The following STEAP3 variants were observed in gnomAD, a reference collection of about 807,000 sequenced individuals.
The protein encoded by STEAP3 is metalloreductase STEAP3.
STEAP3 carries 35 observed loss-of-function variants against 34.9 expected under a neutral mutation model. That is an observed-to-expected ratio of 1.00 (90% CI 0.76 to 1.33). The LOEUF (loss-of-function observed/expected upper bound fraction) is 1.33, where lower values mean the gene tolerates loss of function less well. Among genes scored for constraint, STEAP3 ranks in the 40% most tolerant of loss-of-function variants. The probability of loss-of-function intolerance (pLI) is 0.00; values close to 1 mark genes in which losing one functional copy is unlikely to be tolerated. For missense variants in STEAP3, 652 were observed against 667.6 expected (o/e 0.98, Z 0.26); for synonymous variants, 281 against 301.6 (o/e 0.93, Z 0.71).
chr2:119,237,619 A>G (rs1489708108), intron 2 of STEAP3, among the ~76,000 whole-genome samples: 1 of 152,166 alleles, frequency 6.6e-6, no homozygotes, highest in Admixed American at 6.5e-5. Flanking sequence ...AATCCATCCA[A>G]TGACATAGGC....
At chr2:119,259,876 A>T (rs1296011088) in intron 5 of STEAP3, among the ~76,000 whole-genome samples, 2 of 152,240 alleles carry the variant, frequency 1.3e-5, no homozygotes, top group Non-Finnish European at 2.9e-5. Context: ...AGATAGGTCC[A>T]GGTCTTCCTC....
rs1011944506 is a variant in STEAP3, at chr2:119,236,293, C to G, written c.22+5259C>G. On this transcript the variant is annotated intron_variant, in intron 2 of 5. Coordinates refer to ENST00000393110, the MANE Select transcript of STEAP3 (RefSeq NM_182915.3). ...TTGTCTCATATAATCCTTGCCACAC[C>G]TCATTAAGGTGAGGAACATCAGCCC... Among the ~76,000 whole-genome samples, 7 of 152,232 alleles carry G rather than the reference C, an allele frequency of 4.6e-5. No homozygotes were observed. The East Asian group carries it at 1.4e-3, about 29-fold the overall frequency.
chr2:119,248,424 A>AGCT, intron 4 of STEAP3: 2 of 587,756 alleles, frequency 3.4e-6, no homozygotes, highest in Non-Finnish European at 5.9e-6. Flanking sequence ...CCATGGGTAC[A>AGCT]GCCCAGTTGG....
chr2:119,248,282 G>A, intron 4 of STEAP3, 76 bp downstream of exon 4: 2 of 1,485,784 alleles, frequency 1.3e-6, no homozygotes, highest in Non-Finnish European at 1.8e-6. Context: ...CCACCAACCA[G>A]GTGCAGCCGA....
chr2:119,247,200 G>A (rs914467964), intron 3 of STEAP3, among the ~76,000 whole-genome samples: 1 of 152,112 alleles, frequency 6.6e-6, no homozygotes, highest in African/African-American at 2.4e-5. Flanking sequence ...CTGGCTGAGG[G>A]CTCTACTGAG....
In STEAP3 at chr2:119,248,186, G is replaced by C; in HGVS notation, c.1030G>C (p.Val344Leu). The C allele has an allele frequency of 6.3e-7, 1 of 1,591,720 alleles. No individual in the cohort carries two copies. The highest frequency in any genetic ancestry group is 8.6e-7 in the Non-Finnish European group (1 of 1,168,068). ...PLRRAHRYDL[V>L]NLAVKQVLAN... ...GCGCCGCGCCCACCGCTACGACCTG[G>C]TCAACCTGGCAGTCAAGCAGGTACC... is the stretch of plus-strand genomic sequence containing the variant. Residue 344 changes from valine to leucine, a missense_variant, in exon 4 of 6, where the codon GTC (valine) becomes CTC (leucine). Coordinates refer to ENST00000393110, the MANE Select transcript of STEAP3 (RefSeq NM_182915.3).
chr2:119,263,119 C>T lies in STEAP3; in HGVS notation c.1278C>T (p.Thr426=). The part of the protein sequence containing the change: ...STLHTLTYGW[T]RAFEESRYKF... ...TGCACACGCTCACCTACGGCTGGAC[C>T]CGCGCCTTCGAGGAGAGCCGCTACA... The change falls in exon 6 of 6, where the codon ACC becomes ACT. Residue 426 remains threonine, a synonymous_variant. Coordinates refer to ENST00000393110, the MANE Select transcript of STEAP3 (RefSeq NM_182915.3). 1 of 1,613,094 alleles carries T rather than the reference C, an allele frequency of 6.2e-7. No homozygotes were observed. The highest frequency in any genetic ancestry group is 8.5e-7 in the Non-Finnish European group (1 of 1,180,034).
At chr2:119,227,463 AGTCT>A (rs1187157652) in intron 1 of STEAP3, among the ~76,000 whole-genome samples, 3 of 152,178 alleles carry the variant, frequency 2.0e-5, no homozygotes, top group East Asian at 1.9e-4. Flanking sequence ...CTTCCCAGTC[AGTCT>A]GTCTTCTGCA....
intron 5 of STEAP3, among the ~76,000 whole-genome samples, chr2:119,262,183 G>A (rs975550780): frequency 6.6e-6 from 1 of 152,080 alleles, no homozygotes; most frequent in African/African-American, 2.4e-5. Context: ...TATTTACTCT[G>A]CATTTATCTT....
chr2:119,247,924 G>A lies in STEAP3; in HGVS notation c.768G>A (p.Lys256=). Residue 256 remains lysine, a synonymous_variant, in exon 4 of 6, where the codon AAG becomes AAA. Transcript: ENST00000393110. ...LQPYVQESQN[K]FFKLPVSVVN... ...CCTATGTGCAGGAAAGCCAGAACAA[G>A]TTCTTCAAGCTGCCCGTGTCCGTGG... 6.2e-7 allele frequency: 1 copy of A among 1,613,860 alleles called. No homozygotes were observed. Among genetic ancestry groups the A allele is most frequent in the Non-Finnish European group, 8.5e-7 (1 of 1,180,006 alleles).
Position 119,230,981 on chromosome 2 carries a change from A to T in STEAP3, c.-32A>T, listed in dbSNP as rs771982217. Reference sequence around the variant, plus strand: ...CACCTCACGGTGAGGCTGTCGAGTGACCTGAGAGCCTCAGACCCTCACGTC... The same window carrying T: ...CACCTCACGGTGAGGCTGTCGAGTGTCCTGAGAGCCTCAGACCCTCACGTC... On this transcript the variant is annotated 5_prime_UTR_variant, in exon 2 of 6. Transcript: ENST00000393110. 6.2e-7 allele frequency: 1 copy of T among 1,614,020 alleles called. No homozygotes were observed. Among genetic ancestry groups the T allele is most frequent in the Non-Finnish European group, 8.5e-7 (1 of 1,180,014 alleles).
chr2:119,253,463 CT>C (rs1005649997), intron 4 of STEAP3, among the ~76,000 whole-genome samples: 3 of 151,712 alleles, frequency 2.0e-5, no homozygotes, highest in African/African-American at 4.9e-5. Context: ...GGTAACTGAG[CT>C]CGTGTTTTTT....
chr2:119,248,264 TC>T (rs67985074), intron 4 of STEAP3, 58 bp downstream of exon 4: 634,866 of 1,316,320 alleles, frequency 0.48, 141,910 homozygotes, highest in Non-Finnish European at 0.52. Context: ...GTCCAGCACC[TC>T]CCCCCCCCAC....
chr2:119,249,646 T>C (rs1677563869), intron 4 of STEAP3, among the ~76,000 whole-genome samples: 1 of 152,004 alleles, frequency 6.6e-6, no homozygotes, highest in East Asian at 1.9e-4. Context: ...CCTCCGAGCA[T>C]GGGGGATTGG....
chr2:119,229,019 T>C (rs760303173), intron 1 of STEAP3, among the ~76,000 whole-genome samples: 3 of 152,150 alleles, frequency 2.0e-5, no homozygotes, highest in African/African-American at 7.2e-5. Context: ...CCAGCAGCTT[T>C]GACAGGAAAA....
rs756198388 is a variant in STEAP3, at chr2:119,230,805, G to A, written c.-208G>A. On this transcript the variant is annotated 5_prime_UTR_variant, in exon 2 of 6. Coordinates refer to ENST00000393110, the MANE Select transcript of STEAP3 (RefSeq NM_182915.3). Reference sequence around the variant, plus strand: ...CAACCAAGCATCAGTCACCACTCCCGGTCCAGCCCCTGTGGCCAAGAGCTG... The same window carrying A: ...CAACCAAGCATCAGTCACCACTCCCAGTCCAGCCCCTGTGGCCAAGAGCTG... 2.0e-5 allele frequency: 13 copies of A among 644,358 alleles called. No individual in the cohort carries two copies. Among genetic ancestry groups the A allele is most frequent in the Middle Eastern group, 2.7e-4 (1 of 3,666 alleles). The allele number at this position is 644,358 out of a possible 1,614,324, so 39.9% of individuals were successfully genotyped here.
chr2:119,235,565 C>T lies in STEAP3; in HGVS notation c.22+4531C>T, dbSNP rs145543028. On this transcript the variant is annotated intron_variant, in intron 2 of 5. Coordinates refer to ENST00000393110, the MANE Select transcript of STEAP3 (RefSeq NM_182915.3). ...AGCACCAGCAATTCTGGATGTGGAG[C>T]CCAGCAATATGTTTTCATCAGTCCT... Among the ~76,000 whole-genome samples, 338 of 152,332 alleles carry T rather than the reference C, an allele frequency of 2.2e-3. 2 individuals are homozygous for T. The highest frequency in any genetic ancestry group is 7.5e-3 in the African/African-American group (313 of 41,580).
In STEAP3 at chr2:119,261,638, C is replaced by A. The variant is rs564226925; in HGVS notation, c.1216-1419C>A. 2.0e-5 allele frequency among the ~76,000 whole-genome samples: 3 copies of A among 152,316 alleles called. No individual in the cohort carries two copies. In the East Asian group the frequency reaches 5.8e-4, roughly 29 times the overall value. On this transcript the variant is annotated intron_variant, in intron 5 of 5. Coordinates refer to ENST00000393110, the MANE Select transcript of STEAP3 (RefSeq NM_182915.3). ...CCTCTGACTTTAGCTTTGGAAATTA[C>A]TTATCTCCCACTGAAGTTGATTAAG...
intron 1 of STEAP3, among the ~76,000 whole-genome samples, chr2:119,229,115 C>T (rs910282415): frequency 1.3e-5 from 2 of 152,122 alleles, no homozygotes; most frequent in East Asian, 1.9e-4. Context: ...TTAAACTGCC[C>T]GGGCGATTCT....
Sources: gnomAD v4.1 joint callset for allele counts (sites outside exome capture counted in the v4.1 genomes callset) on GRCh38, gnomAD v4.1.1 for gene constraint, MANE v1.5 for transcripts, NCBI Gene and HGNC (gene_info 2026-07-23, HGNC 2026-07-21) for gene names.